The following ZNF701 variants were observed in gnomAD, a reference collection of about 807,000 sequenced individuals.
The protein encoded by ZNF701 is zinc finger protein 701.
ZNF701 carries 6 observed loss-of-function variants against 7.1 expected under a neutral mutation model. The ratio of observed to expected loss-of-function variants is 0.84; its 90% CI spans 0.46 to 1.66. The LOEUF is 1.66. ZNF701 is among the 40% of genes most tolerant of loss of function. ZNF701 has a pLI of 0.01. For missense variants in ZNF701, 541 were observed against 559.2 expected (o/e 0.97, Z 0.33); for synonymous variants, 166 against 188.2 (o/e 0.88, Z 0.97).
chr19:52,583,440 A>G lies in ZNF701; in HGVS notation c.1381A>G (p.Thr461Ala). 1 of 1,612,596 alleles carries G rather than the reference A, an allele frequency of 6.2e-7. No individual in the cohort carries two copies. Among genetic ancestry groups the G allele is most frequent in the South Asian group, 1.1e-5 (1 of 90,842 alleles). The change falls in exon 4 of 4, where the codon ACT (threonine) becomes GCT (alanine). Residue 461 changes from threonine to alanine, a missense_variant. By Grantham distance (58) the Thr-to-Ala change is moderately conservative. Transcript: ENST00000391785. ...SNLERHHRLH[T>A]GKKS ...CCTTGAACGTCATCATAGACTTCAT[A>G]CTGGAAAGAAATCTTAGAAGTGTAA...
At position 52,582,606 on chromosome 19, in the gene ZNF701, A is replaced by G. The variant is rs753965287; in HGVS notation, c.547A>G (p.Arg183Gly). The G allele has an allele frequency of 6.2e-7, 1 of 1,614,050 alleles. No homozygotes were observed. Among genetic ancestry groups the G allele is most frequent in the Non-Finnish European group, 8.5e-7 (1 of 1,180,022 alleles). ...SVSASQRISC[R>G]PKTRISNKYR... ...TTCAGCATCCCAACGAATTTCCTGT[A>G]GGCCAAAAACTCGTATTTCTAATAA... Residue 183 changes from arginine to glycine, a missense_variant, in exon 4 of 4, where the codon AGG becomes GGG. Coordinates refer to ENST00000391785, the MANE Select transcript of ZNF701 (RefSeq NM_018260.3).
intron 3 of ZNF701, among the ~76,000 whole-genome samples, chr19:52,579,322 T>G (rs1476505326): frequency 2.2e-5 from 3 of 136,638 alleles, no homozygotes. Flanking sequence ...AGGTCAGGAG[T>G]TCAAGACCAG....
intron 1 of ZNF701, among the ~76,000 whole-genome samples, chr19:52,572,048 C>G (rs1330870964): frequency 6.6e-6 from 1 of 152,024 alleles, no homozygotes; most frequent in Non-Finnish European, 1.5e-5. Flanking sequence ...GTCTTGAACT[C>G]CTGACCTCAG....
At chr19:52,581,324 A>G (rs1341239046) in intron 3 of ZNF701, among the ~76,000 whole-genome samples, 2 of 151,964 alleles carry the variant, frequency 1.3e-5, no homozygotes, top group African/African-American at 2.4e-5. Context: ...GGTTCAAGCA[A>G]TTCTCCTTCC....
chr19:52,599,646 T>C, the ZNF701 span, among the ~76,000 whole-genome samples: 1 of 152,242 alleles, frequency 6.6e-6, no homozygotes, highest in African/African-American at 2.4e-5. Flanking sequence ...TCTTTCCCTG[T>C]GTGTGAAATC....
intron 3 of ZNF701, among the ~76,000 whole-genome samples, chr19:52,578,858 C>T (rs543492843): frequency 2.7e-4 from 41 of 152,104 alleles, no homozygotes; most frequent in Admixed American, 1.9e-3. Flanking sequence ...CCCGGGTTCA[C>T]GCCATTCTCC....
intron 3 of ZNF701, among the ~76,000 whole-genome samples, chr19:52,581,562 G>A (rs55791661): frequency 0.021 from 3,145 of 152,286 alleles, 102 homozygotes; most frequent in African/African-American, 0.069. Flanking sequence ...ACCCAGGCTG[G>A]AGTGCAGTGG....
chr19:52,583,592 T>C lies in ZNF701; in HGVS notation c.*135T>C, dbSNP rs981912773. The C allele has an allele frequency of 9.2e-6, 13 of 1,413,122 alleles. No individual in the cohort carries two copies. The African/African-American group carries it at 1.6e-4, about 17-fold the overall frequency. 87.5% of individuals were successfully genotyped at this position (1,413,122 alleles called of 1,614,324 possible). A position where few individuals can be genotyped will look rare whatever the true frequency, so the allele number is the denominator to read the frequency against. On this transcript the variant is annotated 3_prime_UTR_variant, in exon 4 of 4. Coordinates refer to ENST00000391785, the MANE Select transcript of ZNF701 (RefSeq NM_018260.3). ...ATTTCAAATCACTCCTTGAAATACATAGGAGAGTTCATACTGGAGAGAAAC... is the reference window on the plus strand; with the variant it reads ...ATTTCAAATCACTCCTTGAAATACACAGGAGAGTTCATACTGGAGAGAAAC...
At chr19:52,590,226 G>C (rs890802673), downstream of ZNF701, among the ~76,000 whole-genome samples, 3 of 151,216 alleles carry the variant, frequency 2.0e-5, no homozygotes, top group Non-Finnish European at 4.4e-5. Flanking sequence ...TCAGCCTCTA[G>C]AGTAGCTGGG....
the ZNF701 span, among the ~76,000 whole-genome samples, chr19:52,592,915 A>G: frequency 1.7e-5 from 2 of 117,022 alleles, no homozygotes; most frequent in South Asian, 2.8e-4. Flanking sequence ...TCCTAGGCAG[A>G]GGACCCTGCG....
the ZNF701 span, chr19:52,597,343 A>T: frequency 1.9e-6 from 1 of 540,388 alleles, no homozygotes; most frequent in South Asian, 1.4e-5. Context: ...AAATCTTACA[A>T]ATGTCTTAAG....
At position 52,586,548 on chromosome 19, in the gene ZNF701, C is replaced by G. The variant is rs771882795; in HGVS notation, c.*3091C>G. The G allele has an allele frequency of 7.9e-5, 12 of 152,084 alleles. No homozygotes were observed. Among genetic ancestry groups the G allele is most frequent in the Non-Finnish European group, 1.6e-4 (11 of 68,022 alleles). The allele number at this position is 152,084 out of a possible 1,614,324, so 9.4% of individuals were successfully genotyped here. A position where few individuals can be genotyped will look rare whatever the true frequency, so the allele number is the denominator to read the frequency against. ...AGGATTACAGGAGTGAGCCACCACA[C>G]GTAGCCAGTCCTGGCATTTTGTAGA... On this transcript the variant is annotated 3_prime_UTR_variant, in exon 4 of 4. Transcript: ENST00000391785.
chr19:52,593,836 G>A, the ZNF701 span, among the ~76,000 whole-genome samples: 1,411 of 112,044 alleles, frequency 0.013, 382 homozygotes, highest in Non-Finnish European at 0.021. Flanking sequence ...TTTCCAGACT[G>A]GACAGCCAGG....
chr19:52,590,877 G>GTCA (rs1478654083), downstream of ZNF701, among the ~76,000 whole-genome samples: 1 of 152,122 alleles, frequency 6.6e-6, no homozygotes, highest in Non-Finnish European at 1.5e-5. Context: ...GTCTCATTCT[G>GTCA]TCATCAGGCT....
At chr19:52,589,991 T>C (rs936358563), downstream of ZNF701, among the ~76,000 whole-genome samples, 1 of 152,114 alleles carries the variant, frequency 6.6e-6, no homozygotes, top group African/African-American at 2.4e-5. Context: ...ACAGGGTTTC[T>C]CTATGTTGGT....
chr19:52,585,380 A>ATCGCCCACCACCTCCCTCC lies in ZNF701; in HGVS notation c.*1927_*1945dup, dbSNP rs2060003814. The ATCGCCCACCACCTCCCTCC allele has an allele frequency of 6.6e-6, 1 of 152,126 alleles. No homozygotes were observed. Among genetic ancestry groups the ATCGCCCACCACCTCCCTCC allele is most frequent in the African/African-American group, 2.4e-5 (1 of 41,362 alleles). The allele number at this position is 152,126 out of a possible 1,614,324, so 9.4% of individuals were successfully genotyped here. A position where few individuals can be genotyped will look rare whatever the true frequency, so the allele number is the denominator to read the frequency against. On this transcript the variant is annotated 3_prime_UTR_variant, in exon 4 of 4. Transcript: ENST00000391785. ...GACCCCACCCCTGTCCGAAGGCGCCATCGCCCACCACCTCCCTCCTCGTGC... is the reference window on the plus strand; with the variant it reads ...GACCCCACCCCTGTCCGAAGGCGCCATCGCCCACCACCTCCCTCCTCGCCCACCACCTCCCTCCTCGTGC...
chr19:52,596,157 G>A, the ZNF701 span: 10 of 710,206 alleles, frequency 1.4e-5, no homozygotes, highest in African/African-American at 1.2e-4. Context: ...CATAGCTCAT[G>A]TTTAAGGAGA....
At chr19:52,588,484 CA>C (rs376707736), downstream of ZNF701, 6,756 of 155,858 alleles carry the variant, frequency 0.043, no homozygotes, top group South Asian at 0.11. Context: ...GACACCATCT[CA>C]AAAAAAAAAA....
intron 3 of ZNF701, among the ~76,000 whole-genome samples, chr19:52,581,887 T>G (rs1045500451): frequency 1.3e-5 from 2 of 152,174 alleles, no homozygotes; most frequent in Non-Finnish European, 2.9e-5. Context: ...GATGTGACAG[T>G]GATACGTCTT....
Sources: gnomAD v4.1 joint callset for allele counts (sites outside exome capture counted in the v4.1 genomes callset) on GRCh38, gnomAD v4.1.1 for gene constraint, MANE v1.5 for transcripts, NCBI Gene and HGNC (gene_info 2026-07-23, HGNC 2026-07-21) for gene names.